Variants in KLHDC10 observed in about 807,000 individuals in gnomAD.
KLHDC10 encodes the protein kelch domain-containing protein 10.
KLHDC10 carries 24 observed loss-of-function variants against 56.1 expected under a neutral mutation model. The observed-to-expected ratio is 0.43, with a 90% CI of 0.31 to 0.60. KLHDC10 has a LOEUF of 0.60. Ranked by LOEUF, KLHDC10 falls within the 20% of genes least tolerant of loss-of-function variation. The pLI is 0.11. For synonymous variants in KLHDC10, 188 were observed against 207.1 expected, an observed-to-expected ratio of 0.91 and a Z score of 0.79; for missense variants, 349 against 567.0, an observed-to-expected ratio of 0.62 and a Z score of 3.91.
intron 1 of KLHDC10, among the ~76,000 whole-genome samples, chr7:130,085,833 CAAAAAAA>C (rs55805509): frequency 0.014 from 1,168 of 86,306 alleles, 13 homozygotes; most frequent in African/African-American, 0.049. Context: ...GACTCTTTCT[CAAAAAAA>C]AAAAAAAAAA....
intron 1 of KLHDC10, among the ~76,000 whole-genome samples, chr7:130,085,749 G>A (rs1323311947): frequency 1.4e-4 from 21 of 149,058 alleles, no homozygotes; most frequent in African/African-American, 4.9e-4. Context: ...CATGAGAATC[G>A]CTTGAACCCA....
At position 130,133,093 on chromosome 7, in the gene KLHDC10, GTCT is replaced by G. The variant is rs1414752493; in HGVS notation, c.*2352_*2354del. ...AAAGTATATATCCTTGGTCTAAAGT[GTCT>G]TCTTTTAATATAACACTAGTAAAAA... On this transcript the variant is annotated 3_prime_UTR_variant, in exon 10 of 10. Coordinates refer to ENST00000335420, the MANE Select transcript of KLHDC10 (RefSeq NM_014997.4). 6.6e-6 allele frequency: 1 copy of G among 152,208 alleles called. No individual in the cohort carries two copies. The highest frequency in any genetic ancestry group is 2.4e-5 in the African/African-American group (1 of 41,458). 9.4% of individuals were successfully genotyped at this position (152,208 alleles called of 1,614,324 possible).
chr7:130,089,687 C>T (rs1407883267), intron 1 of KLHDC10, among the ~76,000 whole-genome samples: 1 of 152,076 alleles, frequency 6.6e-6, no homozygotes, highest in Non-Finnish European at 1.5e-5. Context: ...ATTTAGCCTC[C>T]CTTAGACACT....
chr7:130,128,885 A>ATATATATAT (rs1554468180), intron 8 of KLHDC10, among the ~76,000 whole-genome samples: 3 of 69,592 alleles, frequency 4.3e-5, no homozygotes, highest in African/African-American at 2.0e-4. Context: ...TAAAAAAAAA[A>ATATATATAT]AAAAATATAT....
At chr7:130,112,018 T>TG (rs1200427441) in intron 2 of KLHDC10, among the ~76,000 whole-genome samples, 2 of 152,216 alleles carry the variant, frequency 1.3e-5, no homozygotes, top group African/African-American at 4.8e-5. Context: ...ATAACAGTAT[T>TG]GTATCTATTA....
At chr7:130,096,324 T>C in intron 1 of KLHDC10, among the ~76,000 whole-genome samples, 1 of 152,098 alleles carries the variant, frequency 6.6e-6, no homozygotes. Context: ...AACATGGAGG[T>C]AATTTGCTTC....
chr7:130,111,996 C>T (rs1385240153), intron 2 of KLHDC10, among the ~76,000 whole-genome samples: 1 of 152,110 alleles, frequency 6.6e-6, no homozygotes, highest in African/African-American at 2.4e-5. Context: ...ATTTGGAAAG[C>T]AGTATGGCCC....
Position 130,083,992 on chromosome 7 carries a change from T to C in KLHDC10, c.167-12929T>C, listed in dbSNP as rs188771293. Among the ~76,000 whole-genome samples, 9 of 152,302 alleles carry C rather than the reference T, an allele frequency of 5.9e-5. No homozygotes were observed. In the East Asian group the frequency reaches 1.7e-3, roughly 29 times the overall value. On this transcript the variant is annotated intron_variant, in intron 1 of 9. Coordinates refer to ENST00000335420, the MANE Select transcript of KLHDC10 (RefSeq NM_014997.4). Reference sequence around the variant, plus strand: ...TGGTTCTGTGTCCCCACCCTTCTCTTTTCAACTTACTTGAGGTGTTCTCTT... The same window carrying C: ...TGGTTCTGTGTCCCCACCCTTCTCTCTTCAACTTACTTGAGGTGTTCTCTT...
At chr7:130,098,952 TG>T in intron 2 of KLHDC10, among the ~76,000 whole-genome samples, 1 of 152,190 alleles carries the variant, frequency 6.6e-6, no homozygotes, top group African/African-American at 2.4e-5. Flanking sequence ...TTGAGAAAGG[TG>T]GCCCCTGGCA....
chr7:130,078,330 C>T (rs985058455), intron 1 of KLHDC10, among the ~76,000 whole-genome samples: 3 of 151,018 alleles, frequency 2.0e-5, no homozygotes, highest in African/African-American at 4.9e-5. Context: ...GCAAAGATTG[C>T]GCTATTGCAC....
At chr7:130,077,442 G>A (rs1279829987) in intron 1 of KLHDC10, among the ~76,000 whole-genome samples, 1 of 140,020 alleles carries the variant, frequency 7.1e-6, no homozygotes, top group Non-Finnish European at 1.5e-5. Flanking sequence ...TTAAAAAGTT[G>A]TTTATTTTTT....
At chr7:130,121,858 T>A (rs1427678485) in intron 4 of KLHDC10, among the ~76,000 whole-genome samples, 196 bp from the exon 5 acceptor site, 2 of 152,248 alleles carry the variant, frequency 1.3e-5, no homozygotes, top group African/African-American at 4.8e-5. Flanking sequence ...AAGCTTCACC[T>A]TTCTAAAGGT....
intron 8 of KLHDC10, among the ~76,000 whole-genome samples, chr7:130,128,401 G>T (rs1049211743): frequency 3.3e-5 from 5 of 152,148 alleles, no homozygotes; most frequent in African/African-American, 7.2e-5. Context: ...TCGTTTGAAG[G>T]TTCACATAGC....
chr7:130,099,910 G>A (rs950577590), intron 2 of KLHDC10, among the ~76,000 whole-genome samples: 3 of 152,122 alleles, frequency 2.0e-5, no homozygotes, highest in Non-Finnish European at 2.9e-5. Flanking sequence ...ATCCAGCAGA[G>A]TGAAACCCTG....
Position 130,070,784 on chromosome 7 carries a change from A to G in KLHDC10, c.141A>G (p.Gln47=). The G allele has an allele frequency of 1.5e-6, 2 of 1,305,760 alleles. No individual in the cohort carries two copies. The highest frequency in any genetic ancestry group is 2.8e-5 in the South Asian group (1 of 35,742). The allele number at this position is 1,305,760 out of a possible 1,614,324, so 80.9% of individuals were successfully genotyped here. A position where few individuals can be genotyped will look rare whatever the true frequency, so the allele number is the denominator to read the frequency against. ...RGTGQLNRFV[Q]LSGRPHLPGK... ...CTGGCCAGCTCAACCGCTTCGTGCA[A>G]CTCTCCGGGCGGCCGCACCTGCCAG... The change falls in exon 1 of 10, where the codon CAA becomes CAG. Residue 47 remains glutamine, a synonymous_variant. Coordinates refer to ENST00000335420, the MANE Select transcript of KLHDC10 (RefSeq NM_014997.4).
intron 2 of KLHDC10, among the ~76,000 whole-genome samples, chr7:130,109,010 G>A (rs1179445705): frequency 2.0e-5 from 3 of 151,884 alleles, no homozygotes; most frequent in African/African-American, 7.3e-5. Flanking sequence ...CGCCTCCGGG[G>A]TCTAAGTGAT....
At chr7:130,078,656 C>T (rs1371225785) in intron 1 of KLHDC10, among the ~76,000 whole-genome samples, 7 of 151,884 alleles carry the variant, frequency 4.6e-5, no homozygotes, top group Non-Finnish European at 7.4e-5. Context: ...CTAGCTGAGA[C>T]GACAGGCGCG....
At chr7:130,110,301 C>A (rs1373725833) in intron 2 of KLHDC10, among the ~76,000 whole-genome samples, 1 of 152,080 alleles carries the variant, frequency 6.6e-6, no homozygotes, top group Non-Finnish European at 1.5e-5. Context: ...CAAACTCATT[C>A]TAAAATTCAT....
chr7:130,126,130 A>G (rs1052490611), intron 7 of KLHDC10, among the ~76,000 whole-genome samples, 199 bp downstream of exon 7: 1 of 152,016 alleles, frequency 6.6e-6, no homozygotes, highest in African/African-American at 2.4e-5. Context: ...AGCCCAAGCA[A>G]CATGGTGAGA....
Sources: allele counts gnomAD v4.1 joint callset (sites outside exome capture counted in the v4.1 genomes callset), GRCh38; gene constraint gnomAD v4.1.1; transcripts MANE v1.5; gene names NCBI Gene and HGNC (gene_info 2026-07-23, HGNC 2026-07-21).